Variants in ACVR1C observed in about 807,000 individuals in gnomAD.
The protein encoded by ACVR1C is activin receptor type-1C.
ACVR1C carries 23 observed loss-of-function variants against 57.9 expected under a neutral mutation model. The ratio of observed to expected loss-of-function variants is 0.40; its 90% CI spans 0.29 to 0.56. The LOEUF is 0.56. Ranked by LOEUF, ACVR1C falls within the 20% of genes least tolerant of loss-of-function variation. The pLI is 0.50. For missense variants in ACVR1C, 480 were observed against 607.9 expected, an observed-to-expected ratio of 0.79 and a Z score of 2.21; for synonymous variants, 214 against 215.3, an observed-to-expected ratio of 0.99 and a Z score of 0.05.
At chr2:157,581,686 C>A (rs1278454525) in intron 2 of ACVR1C, among the ~76,000 whole-genome samples, 3 of 152,100 alleles carry the variant, frequency 2.0e-5, no homozygotes, top group Non-Finnish European at 4.4e-5. Flanking sequence ...GATGAAAGAG[C>A]CAGAGAGGCA....
chr2:157,549,329 C>A (rs1233407170), intron 4 of ACVR1C, among the ~76,000 whole-genome samples: 1 of 152,170 alleles, frequency 6.6e-6, no homozygotes, highest in Non-Finnish European at 1.5e-5. Context: ...CGTGCCACTG[C>A]ACTCCAGCCT....
intron 1 of ACVR1C, among the ~76,000 whole-genome samples, chr2:157,593,592 T>C (rs924679792): frequency 2.0e-5 from 3 of 152,166 alleles, no homozygotes; most frequent in African/African-American, 7.2e-5. Context: ...AGGGAACAAT[T>C]CAAGCTTTTC....
chr2:157,594,068 G>T (rs1263889007), intron 1 of ACVR1C, among the ~76,000 whole-genome samples: 1 of 152,146 alleles, frequency 6.6e-6, no homozygotes, highest in African/African-American at 2.4e-5. Context: ...TACCAACAGA[G>T]ATTCTGTCCA....
In ACVR1C at chr2:157,528,383, C is replaced by A. The variant is rs1435470949; in HGVS notation, c.*5535G>T. On this transcript the variant is annotated 3_prime_UTR_variant, in exon 9 of 9. Transcript: ENST00000243349. ...CTGTTAGGTCTGGAGAGAAAAATTT[C>A]TTTTAGGACAACTTGGACCAATGAT... 3.9e-5 allele frequency: 6 copies of A among 152,110 alleles called. No homozygotes were observed. Among genetic ancestry groups the A allele is most frequent in the Admixed American group, 6.6e-5 (1 of 15,254 alleles). 9.4% of individuals were successfully genotyped at this position (152,110 alleles called of 1,614,324 possible).
At chr2:157,598,096 G>C (rs1022842496) in intron 1 of ACVR1C, among the ~76,000 whole-genome samples, 3 of 151,586 alleles carry the variant, frequency 2.0e-5, no homozygotes. Flanking sequence ...TGATAATGGT[G>C]GTTACCAGAT....
intron 1 of ACVR1C, among the ~76,000 whole-genome samples, chr2:157,603,989 G>A (rs1004211806): frequency 1.3e-5 from 2 of 152,018 alleles, no homozygotes; most frequent in Admixed American, 6.6e-5. Flanking sequence ...ACTTCCCAGA[G>A]GTACCCACGT....
rs763719165 is a variant in ACVR1C, at chr2:157,587,411, T to C, written c.80A>G (p.Lys27Arg). ...AAAAELSPGL[K>R]CVCLLCDSSN... ...AGAATCACACAAAAGACATACACAC[T>C]TCAGTCCTGGAAAGAGTAAGGCAAA... The change falls in exon 2 of 9, where the codon AAG (lysine) becomes AGG (arginine). Residue 27 changes from lysine to arginine, a missense_variant. By Grantham distance (26) the Lys-to-Arg change is conservative. Transcript: ENST00000243349. 7 of 1,610,552 alleles carry C rather than the reference T, an allele frequency of 4.3e-6. No individual in the cohort carries two copies. In the East Asian group the frequency reaches 1.6e-4, roughly 36 times the overall value.
chr2:157,593,353 T>C (rs989600787), intron 1 of ACVR1C, among the ~76,000 whole-genome samples: 3 of 152,198 alleles, frequency 2.0e-5, no homozygotes, highest in African/African-American at 7.2e-5. Flanking sequence ...GTTGGTTACA[T>C]ATTACTACGT....
At chr2:157,535,580 C>A (rs1687461772) in intron 8 of ACVR1C, among the ~76,000 whole-genome samples, 1 of 152,144 alleles carries the variant, frequency 6.6e-6, no homozygotes, top group Admixed American at 6.5e-5. Context: ...GTAATTCCAA[C>A]ACTTGGAGAG....
intron 1 of ACVR1C, among the ~76,000 whole-genome samples, chr2:157,627,971 AG>A (rs947580444): frequency 4.6e-5 from 7 of 152,226 alleles, no homozygotes; most frequent in African/African-American, 1.7e-4. Context: ...TTTTTTCCCC[AG>A]GAACTCTGAG....
chr2:157,545,419 AT>A (rs1687728187), intron 4 of ACVR1C, among the ~76,000 whole-genome samples: 2 of 152,192 alleles, frequency 1.3e-5, no homozygotes, highest in Non-Finnish European at 2.9e-5. Flanking sequence ...TAATTTCCAA[AT>A]CTGGGTAGTG....
chr2:157,554,201 G>GAGAGAGAA (rs1553481316), intron 3 of ACVR1C, among the ~76,000 whole-genome samples: 5 of 41,444 alleles, frequency 1.2e-4, no homozygotes, highest in East Asian at 9.1e-4. Flanking sequence ...ATAAAGAAGA[G>GAGAGAGAA]AGAAAGAAAG....
chr2:157,617,130 A>G (rs1682671462), intron 1 of ACVR1C, among the ~76,000 whole-genome samples: 1 of 152,032 alleles, frequency 6.6e-6, no homozygotes, highest in African/African-American at 2.4e-5. Flanking sequence ...AATACTAAAC[A>G]TAAGAAAATT....
Position 157,606,801 on chromosome 2 carries a change from CTT to C in ACVR1C, c.74-19386_74-19385del, listed in dbSNP as rs1465786494. ...GATTGTTTCTTTTGCTATACAGAAA[CTT>C]TTTTTAGTTTAATATAGTCCCATTT... On this transcript the variant is annotated intron_variant, in intron 1 of 8. Transcript: ENST00000243349. Among the ~76,000 whole-genome samples, 15 of 151,722 alleles carry C rather than the reference CTT, an allele frequency of 9.9e-5. No homozygotes were observed. The South Asian group carries it at 2.9e-3, about 29-fold the overall frequency.
intron 1 of ACVR1C, among the ~76,000 whole-genome samples, chr2:157,594,041 A>G (rs1423583023): frequency 6.6e-6 from 1 of 152,200 alleles, no homozygotes; most frequent in Non-Finnish European, 1.5e-5. Flanking sequence ...TAGAGCTGAG[A>G]AGGAATGAAA....
rs1344286768 is a variant in ACVR1C, at chr2:157,529,118, C to A, written c.*4800G>T. On this transcript the variant is annotated 3_prime_UTR_variant, in exon 9 of 9. Transcript: ENST00000243349. Reference sequence around the variant, plus strand: ...AGATAATATCCCACTGGACATAGTCCCAAATTCAGCTATCAAATCACCTTT... The same window carrying A: ...AGATAATATCCCACTGGACATAGTCACAAATTCAGCTATCAAATCACCTTT... 6.6e-6 allele frequency: 1 copy of A among 151,992 alleles called. No homozygotes were observed. Among genetic ancestry groups the A allele is most frequent in the Non-Finnish European group, 1.5e-5 (1 of 67,960 alleles). The allele number at this position is 151,992 out of a possible 1,614,324, so 9.4% of individuals were successfully genotyped here.
At chr2:157,602,051 C>T (rs886391873) in intron 1 of ACVR1C, among the ~76,000 whole-genome samples, 2 of 152,144 alleles carry the variant, frequency 1.3e-5, no homozygotes, top group African/African-American at 2.4e-5. Context: ...TTCTGATTAA[C>T]GTTTCCCTTG....
At position 157,579,751 on chromosome 2, in the gene ACVR1C, G is replaced by C. The variant is rs79861588; in HGVS notation, c.304+7436C>G. On this transcript the variant is annotated intron_variant, in intron 2 of 8. Coordinates refer to ENST00000243349, the MANE Select transcript of ACVR1C (RefSeq NM_145259.3). ...CAAGCCTCTTTATTAACAAACAATAGACCCTGACTACTTCCAGATTTCTTG... is the reference window on the plus strand; with the variant it reads ...CAAGCCTCTTTATTAACAAACAATACACCCTGACTACTTCCAGATTTCTTG... Among the ~76,000 whole-genome samples the C allele has an allele frequency of 2.4e-4, 37 of 152,224 alleles. No individual in the cohort carries two copies. In the East Asian group the frequency reaches 5.0e-3, roughly 21 times the overall value.
intron 2 of ACVR1C, among the ~76,000 whole-genome samples, chr2:157,561,042 A>G (rs1414521288): frequency 6.6e-6 from 1 of 152,208 alleles, no homozygotes; most frequent in African/African-American, 2.4e-5. Flanking sequence ...GTGAAGAGAT[A>G]TGTGCTGCTG....
Sources: gnomAD v4.1 joint callset for allele counts (sites outside exome capture counted in the v4.1 genomes callset) on GRCh38, gnomAD v4.1.1 for gene constraint, MANE v1.5 for transcripts, NCBI Gene and HGNC (gene_info 2026-07-23, HGNC 2026-07-21) for gene names.